Variants in PRKN observed in about 807,000 individuals in gnomAD.
The protein encoded by PRKN is E3 ubiquitin-protein ligase parkin.
In PRKN, 56 loss-of-function variants were observed where a neutral mutation model predicts 59.5. The ratio of observed to expected loss-of-function variants is 0.94; its 90% confidence interval spans 0.76 to 1.18. The LOEUF (loss-of-function observed/expected upper bound fraction) is 1.18. PRKN is among the 50% of genes most tolerant of loss of function. The pLI is 0.00. For missense variants in PRKN, 657 were observed against 596.4 expected (o/e 1.10, Z -1.06); for synonymous variants, 250 against 222.1 (o/e 1.13, Z -1.12).
intron 7 of PRKN, among the ~76,000 whole-genome samples, chr6:161,752,262 C>T (rs913498737): frequency 2.0e-5 from 3 of 152,110 alleles, no homozygotes; most frequent in African/African-American, 7.2e-5. Flanking sequence ...CCCAGCTACT[C>T]GAGAGGCTGA....
At chr6:162,347,653 T>C (rs1000926267) in intron 2 of PRKN, among the ~76,000 whole-genome samples, 22 of 152,176 alleles carry the variant, frequency 1.4e-4, no homozygotes, top group Admixed American at 6.5e-5. Context: ...TTATATAGCA[T>C]TTGTTAATTT....
chr6:162,477,708 TCA>T (rs1370343192), intron 1 of PRKN, among the ~76,000 whole-genome samples: 1 of 152,136 alleles, frequency 6.6e-6, no homozygotes, highest in African/African-American at 2.4e-5. Flanking sequence ...CTCTCCTACT[TCA>T]CAAACACCAG....
chr6:161,675,264 A>G (rs1278437545), intron 7 of PRKN, among the ~76,000 whole-genome samples: 1 of 152,220 alleles, frequency 6.6e-6, no homozygotes, highest in Non-Finnish European at 1.5e-5. Context: ...AATGTACAAC[A>G]GATTCCCTCC....
chr6:162,202,171 T>G (rs574368835), intron 3 of PRKN, among the ~76,000 whole-genome samples: 401 of 152,298 alleles, frequency 2.6e-3, no homozygotes, highest in African/African-American at 9.4e-3. Flanking sequence ...GAAATTTTAC[T>G]ATGATCATCA....
At chr6:162,222,552 T>A (rs1777982143) in intron 3 of PRKN, among the ~76,000 whole-genome samples, 1 of 152,138 alleles carries the variant, frequency 6.6e-6, no homozygotes, top group Admixed American at 6.5e-5. Context: ...GGGAATGAAT[T>A]CTGCCAACAA....
At chr6:162,578,987 C>T (rs1327639684) in intron 1 of PRKN, among the ~76,000 whole-genome samples, 1 of 152,158 alleles carries the variant, frequency 6.6e-6, no homozygotes, top group Non-Finnish European at 1.5e-5. Flanking sequence ...AATTCTTATT[C>T]AAAAAGTTTA....
At chr6:161,888,390 G>A (rs925759400) in intron 6 of PRKN, among the ~76,000 whole-genome samples, 1 of 152,122 alleles carries the variant, frequency 6.6e-6, no homozygotes, top group Non-Finnish European at 1.5e-5. Context: ...CAACCTCAAT[G>A]TTCTCACAAC....
chr6:162,387,599 GAGA>G, intron 2 of PRKN, among the ~76,000 whole-genome samples: 1 of 143,258 alleles, frequency 7.0e-6, no homozygotes, highest in South Asian at 2.2e-4. Context: ...GAGAGAGAGA[GAGA>G]GAGAGAAATT....
In PRKN at chr6:161,562,692, T is replaced by C. The variant is rs182545660; in HGVS notation, c.933+6663A>G. Among the ~76,000 whole-genome samples the C allele has an allele frequency of 2.0e-5, 3 of 152,284 alleles. No individual in the cohort carries two copies. Among genetic ancestry groups the C allele is most frequent in the Non-Finnish European group, 4.4e-5 (3 of 68,020 alleles). On this transcript the variant is annotated intron_variant, in intron 8 of 11. Transcript: ENST00000366898. This position sits in a 1 kb window ranked among gnomAD's most constrained non-coding sequence, Gnocchi z 4.3. ...GATCTCACCTGCCCCATTTTGCTCA[T>C]CTCAGTCAAATAGAACTTTCAAACT...
intron 6 of PRKN, among the ~76,000 whole-genome samples, chr6:161,852,844 G>A (rs1356577889): frequency 6.6e-6 from 1 of 152,158 alleles, no homozygotes; most frequent in Non-Finnish European, 1.5e-5. Context: ...TTTTGGTTGG[G>A]AGTCAAGTGC....
In PRKN at chr6:161,475,213, A is replaced by AT. The variant is rs1368510743; in HGVS notation, c.1083+73640dup. On this transcript the variant is annotated intron_variant, in intron 9 of 11. Transcript: ENST00000366898. This position sits in a 1 kb window ranked among gnomAD's most constrained non-coding sequence, Gnocchi z 5.3. ...CCACTATTACCTATACTTATAGTAG[A>AT]TTGCATGTGATCGCTGCTGTCCTAT... Among the ~76,000 whole-genome samples, 2 of 152,198 alleles carry AT rather than the reference A, an allele frequency of 1.3e-5. No homozygotes were observed. Among genetic ancestry groups the AT allele is most frequent in the East Asian group, 3.9e-4 (2 of 5,166 alleles).
At position 161,593,971 on chromosome 6, in the gene PRKN, GA is replaced by G. The variant is rs2128141510; in HGVS notation, c.872-24556del. 6.6e-6 allele frequency among the ~76,000 whole-genome samples: 1 copy of G among 151,074 alleles called. No homozygotes were observed. Among genetic ancestry groups the G allele is most frequent in the South Asian group, 2.1e-4 (1 of 4,776 alleles). On this transcript the variant is annotated intron_variant, in intron 7 of 11. Transcript: ENST00000366898. This position sits in a 1 kb window ranked among gnomAD's most constrained non-coding sequence, Gnocchi z 4.8. ...TTGAGACCAGCCTGGCCAACATAGT[GA>G]AACCCCATCTCTACTAAAAAAAAAA...
At chr6:161,713,007 A>C (rs543991931) in intron 7 of PRKN, among the ~76,000 whole-genome samples, 26 of 152,282 alleles carry the variant, frequency 1.7e-4, no homozygotes, top group Non-Finnish European at 2.5e-4. Flanking sequence ...GCCCCACAAG[A>C]CTAGAGACCT....
At chr6:162,204,120 TG>T (rs1784841318) in intron 3 of PRKN, among the ~76,000 whole-genome samples, 1 of 152,216 alleles carries the variant, frequency 6.6e-6, no homozygotes, top group Non-Finnish European at 1.5e-5. Flanking sequence ...AAACTAGGGA[TG>T]TTTTTCATAT....
At chr6:162,037,194 G>C (rs1452856759) in intron 5 of PRKN, among the ~76,000 whole-genome samples, 3 of 152,132 alleles carry the variant, frequency 2.0e-5, no homozygotes, top group African/African-American at 7.2e-5. Flanking sequence ...CAAATTACTA[G>C]AGATGTGTCT....
At chr6:161,738,886 A>G (rs1788074839) in intron 7 of PRKN, among the ~76,000 whole-genome samples, 1 of 152,216 alleles carries the variant, frequency 6.6e-6, no homozygotes, top group Admixed American at 6.5e-5. Flanking sequence ...TCTACACTAG[A>G]GCATCTAATA....
chr6:161,799,040 C>T (rs1790971616), intron 6 of PRKN, among the ~76,000 whole-genome samples: 1 of 152,178 alleles, frequency 6.6e-6, no homozygotes, highest in Non-Finnish European at 1.5e-5. Context: ...CTGCTTTTGC[C>T]AATAAAGTTT....
chr6:162,008,392 T>A (rs1246327167), intron 5 of PRKN, among the ~76,000 whole-genome samples: 3 of 152,146 alleles, frequency 2.0e-5, no homozygotes, highest in Admixed American at 2.0e-4. Flanking sequence ...TTTGGTCAAT[T>A]GGTAGCAGCT....
chr6:161,510,411 G>A (rs1350392399), intron 9 of PRKN, among the ~76,000 whole-genome samples: 1 of 150,726 alleles, frequency 6.6e-6, no homozygotes, highest in Non-Finnish European at 1.5e-5. Context: ...GGTCGCCAGT[G>A]AGGCATCGTG....
Sources: gnomAD v4.1 joint callset for allele counts (sites outside exome capture counted in the v4.1 genomes callset) on GRCh38, gnomAD v4.1.1 for gene constraint, Gnocchi (gnomAD v3.1) non-coding constraint, MANE v1.5 for transcripts, NCBI Gene and HGNC (gene_info 2026-07-23, HGNC 2026-07-21) for gene names.